Variants in SMC1B observed in about 807,000 individuals in gnomAD.
The protein encoded by SMC1B is structural maintenance of chromosomes 1B, also known as structural maintenance of chromosomes protein 1B.
Under a neutral mutation model 157.9 loss-of-function variants are expected in SMC1B, and 60 were observed. The ratio of observed to expected loss-of-function variants is 0.38; its 90% CI spans 0.31 to 0.47. SMC1B has a LOEUF of 0.47. Among genes scored for constraint, SMC1B ranks in the 20% least tolerant of loss-of-function variants. The pLI, the probability that SMC1B is intolerant of heterozygous loss-of-function variation, is 0.99. For missense variants in SMC1B, 1,165 were observed against 1,426.2 expected, an observed-to-expected ratio of 0.82 and a Z score of 2.95; for synonymous variants, 445 against 483.0, an observed-to-expected ratio of 0.92 and a Z score of 1.03.
At chr22:45,392,759 G>A (rs1456914777) in intron 9 of SMC1B, among the ~76,000 whole-genome samples, 1 of 152,076 alleles carries the variant, frequency 6.6e-6, no homozygotes, top group Admixed American at 6.5e-5. Flanking sequence ...GGAGTGCAAT[G>A]GTGTGATCTC....
At chr22:45,364,134 C>A (rs2086749263) in intron 15 of SMC1B, among the ~76,000 whole-genome samples, 1 of 152,160 alleles carries the variant, frequency 6.6e-6, no homozygotes. Context: ...CAGGCATGAG[C>A]CACCGCGCCT....
At chr22:45,368,227 T>TTCA (rs2146789268) in intron 15 of SMC1B, among the ~76,000 whole-genome samples, 1 of 152,316 alleles carries the variant, frequency 6.6e-6, no homozygotes, top group South Asian at 2.1e-4. Context: ...CAAGTGTTTT[T>TTCA]TCATCATCCT....
chr22:45,377,037 A>G (rs938065350), intron 12 of SMC1B, among the ~76,000 whole-genome samples: 2 of 152,218 alleles, frequency 1.3e-5, no homozygotes, highest in Non-Finnish European at 2.9e-5. Flanking sequence ...GGATTAGGCC[A>G]GCAAACCACA....
chr22:45,347,514 T>C (rs2086564387), intron 23 of SMC1B, among the ~76,000 whole-genome samples: 1 of 152,224 alleles, frequency 6.6e-6, no homozygotes. Context: ...CAGAACCTAC[T>C]GGGTGGTACC....
chr22:45,393,528 CT>C (rs572865925), intron 9 of SMC1B, 105 bp downstream of exon 9: 468 of 820,826 alleles, frequency 5.7e-4, no homozygotes, highest in Admixed American at 1.2e-3. Flanking sequence ...AATAATATTG[CT>C]TTGTAATAAT....
intron 4 of SMC1B, among the ~76,000 whole-genome samples, chr22:45,403,434 C>T (rs1043677435): frequency 6.8e-6 from 1 of 147,058 alleles, no homozygotes; most frequent in South Asian, 2.2e-4. Flanking sequence ...GAAAATAAGA[C>T]AGACTATCCC....
intron 10 of SMC1B, among the ~76,000 whole-genome samples, chr22:45,388,905 T>C (rs2087021725): frequency 7.3e-6 from 1 of 137,722 alleles, no homozygotes; most frequent in African/African-American, 2.8e-5. Context: ...GAGAATTGCT[T>C]GAACCCGGAA....
At chr22:45,407,836 G>C (rs1243912192) in intron 2 of SMC1B, among the ~76,000 whole-genome samples, 1 of 152,044 alleles carries the variant, frequency 6.6e-6, no homozygotes, top group Non-Finnish European at 1.5e-5. Context: ...GTGAACAATT[G>C]ATCAAAGGCT....
chr22:45,396,544 T>G (rs148755890), intron 6 of SMC1B, 58 bp from the exon 7 acceptor site: 136 of 1,487,714 alleles, frequency 9.1e-5, no homozygotes, highest in Non-Finnish European at 1.2e-4. Context: ...AGAGCAAATT[T>G]CTTTGTATGA....
Position 45,371,877 on chromosome 22 carries a change from T to G in SMC1B, c.2196+278A>C, listed in dbSNP as rs551330466. Among the ~76,000 whole-genome samples the G allele has an allele frequency of 8.9e-4, 135 of 152,096 alleles. 1 individual carries two copies. The highest frequency in any genetic ancestry group is 1.5e-3 in the Admixed American group (23 of 15,274). ...TCTGAGACCAGCCTGGCCAACATGG[T>G]GAAACCGCATGTCTACTAAAAAAAT... is the stretch of plus-strand genomic sequence containing the variant. On this transcript the variant is annotated intron_variant, in intron 13 of 24. Transcript: ENST00000357450.
chr22:45,371,565 T>C lies in SMC1B; in HGVS notation c.2219A>G (p.Glu740Gly). Residue 740 changes from glutamate (E) to glycine (G), a missense_variant, in exon 14 of 25, where the codon GAA becomes GGA. Coordinates refer to ENST00000357450, the MANE Select transcript of SMC1B (RefSeq NM_148674.5). Reference sequence around the variant, plus strand: ...ACATTGAGACTCAATATTTAGTAGTTCACTTTGTAACTGAGATTGTTCCTA... The same window carrying C: ...ACATTGAGACTCAATATTTAGTAGTCCACTTTGTAACTGAGATTGTTCCTA... Reference protein sequence around the residue: ...FYQEQSQLQSELLNIESQCIM... With the variant: ...FYQEQSQLQSGLLNIESQCIM... 1.3e-6 allele frequency: 2 copies of C among 1,595,118 alleles called. No individual in the cohort carries two copies. The highest frequency in any genetic ancestry group is 1.7e-6 in the Non-Finnish European group (2 of 1,173,322).
At chr22:45,395,080 A>G (rs1376590025) in intron 7 of SMC1B, among the ~76,000 whole-genome samples, 2 of 152,236 alleles carry the variant, frequency 1.3e-5, no homozygotes, top group African/African-American at 2.4e-5. Flanking sequence ...GTACAAAAGT[A>G]CTGCAATTAC....
intron 6 of SMC1B, among the ~76,000 whole-genome samples, chr22:45,396,793 A>C (rs575927419): frequency 6.6e-6 from 1 of 152,156 alleles, no homozygotes; most frequent in South Asian, 2.1e-4. Context: ...TCCTGGGCTC[A>C]AGTGTTTATC....
At chr22:45,413,338 G>T in intron 1 of SMC1B, 121 bp downstream of exon 1, 1 of 729,126 alleles carries the variant, frequency 1.4e-6, no homozygotes, top group Non-Finnish European at 2.2e-6. Flanking sequence ...CAGGCTCCGG[G>T]ACTGGAAGGG....
intron 12 of SMC1B, among the ~76,000 whole-genome samples, chr22:45,373,070 T>C (rs914550297): frequency 2.0e-5 from 3 of 152,174 alleles, no homozygotes; most frequent in East Asian, 3.9e-4. Context: ...ACTCTGAATC[T>C]ACCTATAACT....
intron 1 of SMC1B, among the ~76,000 whole-genome samples, chr22:45,409,958 C>T (rs1051820326): frequency 2.0e-5 from 3 of 152,152 alleles, no homozygotes; most frequent in Non-Finnish European, 2.9e-5. Flanking sequence ...GATAGGCAAA[C>T]GGTGCCTATG....
Position 45,358,685 on chromosome 22 carries a change from G to C in SMC1B, c.2961+12C>G. Reference sequence around the variant, plus strand: ...TACTGTGAGTGATAAACAACAGAAAGCTTTCCATTACCTTCAAATCCTCTT... The same window carrying C: ...TACTGTGAGTGATAAACAACAGAAACCTTTCCATTACCTTCAAATCCTCTT... On this transcript the variant is annotated intron_variant, in intron 19 of 24. Transcript: ENST00000357450. The C allele has an allele frequency of 6.6e-7, 1 of 1,509,152 alleles. No homozygotes were observed. The highest frequency in any genetic ancestry group is 9.2e-7 in the Non-Finnish European group (1 of 1,092,480). 93.5% of individuals were successfully genotyped at this position (1,509,152 alleles called of 1,614,324 possible).
chr22:45,374,362 G>A (rs2086865081), intron 12 of SMC1B, among the ~76,000 whole-genome samples: 1 of 151,974 alleles, frequency 6.6e-6, no homozygotes, highest in Non-Finnish European at 1.5e-5. Flanking sequence ...CTAGAGATTG[G>A]GTTTGATGTA....
chr22:45,359,716 G>T (rs2086702558), intron 18 of SMC1B, 89 bp downstream of exon 18: 3 of 1,405,206 alleles, frequency 2.1e-6, no homozygotes, highest in Non-Finnish European at 2.9e-6. Flanking sequence ...ACCCCTAAAG[G>T]GGCTACAGAA....
Sources: allele counts gnomAD v4.1 joint callset (sites outside exome capture counted in the v4.1 genomes callset), GRCh38; gene constraint gnomAD v4.1.1; transcripts MANE v1.5; gene names NCBI Gene and HGNC (gene_info 2026-07-23, HGNC 2026-07-21).